The following RPRD1A variants were observed in gnomAD, a reference collection of about 807,000 sequenced individuals.
RPRD1A encodes the protein regulation of nuclear pre-mRNA domain containing 1A.
Under a neutral mutation model 37.8 loss-of-function variants are expected in RPRD1A, and 9 were observed. That is an observed-to-expected ratio of 0.24 (90% CI 0.14 to 0.42). RPRD1A has a LOEUF of 0.42. Among genes scored for constraint, RPRD1A ranks in the 10% least tolerant of loss-of-function variants. The pLI is 1.00. For missense variants in RPRD1A, 255 were observed against 371.0 expected, an observed-to-expected ratio of 0.69 and a Z score of 2.57; for synonymous variants, 138 against 139.7, an observed-to-expected ratio of 0.99 and a Z score of 0.08.
intron 1 of RPRD1A, among the ~76,000 whole-genome samples, chr18:36,047,540 AC>A (rs1913045314): frequency 6.6e-6 from 1 of 152,160 alleles, no homozygotes; most frequent in South Asian, 2.1e-4. Flanking sequence ...GAAGCAAAGA[AC>A]TGGTTATTTG....
intron 6 of RPRD1A, among the ~76,000 whole-genome samples, chr18:36,020,904 CA>C (rs1362279061): frequency 2.0e-5 from 3 of 151,680 alleles, no homozygotes; most frequent in African/African-American, 7.3e-5. Context: ...ATGTAAGATG[CA>C]TATAATGTAT....
chr18:36,041,573 A>G (rs1182267400), intron 1 of RPRD1A, among the ~76,000 whole-genome samples: 1 of 152,178 alleles, frequency 6.6e-6, no homozygotes, highest in Non-Finnish European at 1.5e-5. Flanking sequence ...GGAAATCAGC[A>G]TTTTCTGAGG....
At chr18:36,040,879 A>G (rs1335318110) in intron 1 of RPRD1A, 1 of 1,473,844 alleles carries the variant, frequency 6.8e-7, no homozygotes, top group East Asian at 2.5e-5. Context: ...AAAGGAAGCA[A>G]TTAACAAGAA....
intron 1 of RPRD1A, among the ~76,000 whole-genome samples, chr18:36,053,156 C>G (rs1211416342): frequency 4.6e-5 from 7 of 152,054 alleles, no homozygotes; most frequent in Admixed American, 4.6e-4. Context: ...GTACAAGATA[C>G]TTACATCATT....
At chr18:36,012,656 C>G (rs1021632254) in intron 6 of RPRD1A, among the ~76,000 whole-genome samples, 1 of 152,140 alleles carries the variant, frequency 6.6e-6, no homozygotes, top group Non-Finnish European at 1.5e-5. Context: ...GAATGTATCC[C>G]ATCGTTAAGT....
chr18:36,005,072 C>G (rs999046438), intron 6 of RPRD1A, among the ~76,000 whole-genome samples: 3 of 152,128 alleles, frequency 2.0e-5, no homozygotes, highest in Non-Finnish European at 2.9e-5. Context: ...GAGGCCGAGG[C>G]GGGTGGATCA....
chr18:36,065,146 G>A (rs1004622778), intron 1 of RPRD1A, among the ~76,000 whole-genome samples: 3 of 152,156 alleles, frequency 2.0e-5, no homozygotes, highest in African/African-American at 7.2e-5. Flanking sequence ...TGAAGTCAGC[G>A]AGACCAAGAA....
chr18:35,993,144 T>C lies in RPRD1A; in HGVS notation c.*7A>G. 1.2e-6 allele frequency: 2 copies of C among 1,612,900 alleles called. No homozygotes were observed. On this transcript the variant is annotated 3_prime_UTR_variant, in exon 7 of 7. Coordinates refer to ENST00000399022, the MANE Select transcript of RPRD1A (RefSeq NM_018170.5). Reference sequence around the variant, plus strand: ...AAAGTCCTGGGACCTGGAAAGAGGCTGGTCCATCAATCTTCACTGTAGATG... The same window carrying C: ...AAAGTCCTGGGACCTGGAAAGAGGCCGGTCCATCAATCTTCACTGTAGATG...
At chr18:36,037,934 G>A (rs116178262) in intron 1 of RPRD1A, among the ~76,000 whole-genome samples, 2,018 of 152,296 alleles carry the variant, frequency 0.013, 41 homozygotes, top group African/African-American at 0.046. Context: ...TTTCTAGCCA[G>A]CAAAGCATTA....
At chr18:36,031,949 T>C (rs1911823111) in intron 2 of RPRD1A, among the ~76,000 whole-genome samples, 1 of 152,344 alleles carries the variant, frequency 6.6e-6, no homozygotes, top group Non-Finnish European at 1.5e-5. Context: ...CAAATCTCCT[T>C]GCTAAGGTCC....
At chr18:36,029,339 C>G (rs1354256423) in intron 4 of RPRD1A, among the ~76,000 whole-genome samples, 2 of 152,296 alleles carry the variant, frequency 1.3e-5, no homozygotes, top group Middle Eastern at 6.8e-3. Flanking sequence ...AACCAGTCCT[C>G]TAACTCCCAC....
At position 36,067,432 on chromosome 18, in the gene RPRD1A, C is replaced by T; in HGVS notation, c.-28G>A. On this transcript the variant is annotated 5_prime_UTR_variant, in exon 1 of 7. Coordinates refer to ENST00000399022, the MANE Select transcript of RPRD1A (RefSeq NM_018170.5). ...CTCCGACACCACGTTCACGCCGTCC[C>T]ACGCGGTGGGGCCGAGGGGAGGAGA... The T allele has an allele frequency of 6.3e-7, 1 of 1,595,538 alleles. No individual in the cohort carries two copies. The highest frequency in any genetic ancestry group is 8.5e-7 in the Non-Finnish European group (1 of 1,170,752).
At chr18:36,037,708 T>C (rs1912294850) in intron 1 of RPRD1A, among the ~76,000 whole-genome samples, 1 of 152,176 alleles carries the variant, frequency 6.6e-6, no homozygotes, top group African/African-American at 2.4e-5. Flanking sequence ...CCTAGAGACT[T>C]GTTGAATGGC....
intron 6 of RPRD1A, among the ~76,000 whole-genome samples, chr18:35,999,036 A>G (rs1214317276): frequency 6.6e-6 from 1 of 152,214 alleles, no homozygotes; most frequent in Non-Finnish European, 1.5e-5. Flanking sequence ...AAACACTGCA[A>G]TAGAATCTTT....
At chr18:36,006,880 T>C (rs1277197810) in intron 6 of RPRD1A, among the ~76,000 whole-genome samples, 1 of 152,090 alleles carries the variant, frequency 6.6e-6, no homozygotes, top group African/African-American at 2.4e-5. Context: ...TTCCCACAGA[T>C]GATACATTCT....
chr18:36,018,552 C>T (rs1300557850), intron 6 of RPRD1A, among the ~76,000 whole-genome samples: 2 of 152,154 alleles, frequency 1.3e-5, no homozygotes, highest in South Asian at 2.1e-4. Context: ...GGATTACAGG[C>T]GTGAGCCACC....
intron 6 of RPRD1A, among the ~76,000 whole-genome samples, chr18:36,014,308 C>G: frequency 6.6e-6 from 1 of 152,214 alleles, no homozygotes; most frequent in East Asian, 1.9e-4. Context: ...ACTATCTCAT[C>G]TTTCAGGAAA....
chr18:36,035,879 G>A (rs1245024194), intron 1 of RPRD1A, among the ~76,000 whole-genome samples: 1 of 152,064 alleles, frequency 6.6e-6, no homozygotes, highest in Non-Finnish European at 1.5e-5. Context: ...CTTATTGGAG[G>A]TACTCAAATT....
intron 6 of RPRD1A, among the ~76,000 whole-genome samples, chr18:36,018,556 A>G (rs1910766370): frequency 6.6e-6 from 1 of 152,152 alleles, no homozygotes; most frequent in Admixed American, 6.5e-5. Flanking sequence ...TACAGGCGTG[A>G]GCCACCGCTC....
Sources: allele counts gnomAD v4.1 joint callset (sites outside exome capture counted in the v4.1 genomes callset), GRCh38; gene constraint gnomAD v4.1.1; transcripts MANE v1.5; gene names NCBI Gene and HGNC (gene_info 2026-07-23, HGNC 2026-07-21).